The following RNF13 variants were observed in gnomAD, a reference collection of about 807,000 sequenced individuals.
The protein encoded by RNF13 is E3 ubiquitin-protein ligase RNF13.
A neutral mutation model predicts 37.7 loss-of-function variants in RNF13; 19 were observed. The observed-to-expected ratio is 0.50, with a 90% CI of 0.35 to 0.74. RNF13 has a LOEUF of 0.74. Among genes scored for constraint, RNF13 ranks in the 30% least tolerant of loss-of-function variants. RNF13 has a pLI of 0.01. For missense variants in RNF13, 375 were observed against 453.0 expected (o/e 0.83, Z 1.56); for synonymous variants, 144 against 157.8 (o/e 0.91, Z 0.65).
At position 149,961,409 on chromosome 3, in the gene RNF13, C is replaced by T; in HGVS notation, c.*305C>T. 1.9e-6 allele frequency: 1 copy of T among 515,066 alleles called. No homozygotes were observed. Among genetic ancestry groups the T allele is most frequent in the South Asian group, 1.6e-5 (1 of 62,358 alleles). The allele number at this position is 515,066 out of a possible 1,614,324, so 31.9% of individuals were successfully genotyped here. On this transcript the variant is annotated 3_prime_UTR_variant, in exon 10 of 10. Coordinates refer to ENST00000392894, the MANE Select transcript of RNF13 (RefSeq NM_183381.3). ...TAGCTTGCAATTAAGACCTAGATCA[C>T]AGTATTTAAGTGTTTTGCGTTTTAT...
At chr3:149,864,452 C>G (rs1724598663) in intron 3 of RNF13, among the ~76,000 whole-genome samples, 1 of 152,118 alleles carries the variant, frequency 6.6e-6, no homozygotes, top group Non-Finnish European at 1.5e-5. Flanking sequence ...ACAAATTACC[C>G]AGCCTCAGGT....
Position 149,845,816 on chromosome 3 carries a change from C to A in RNF13, c.-16-195C>A, listed in dbSNP as rs188520366. Reference sequence around the variant, plus strand: ...TCATCATGAGTTACATAGGTATTGACTAAACATGGGTGTTTACCTAAATGT... The same window carrying A: ...TCATCATGAGTTACATAGGTATTGAATAAACATGGGTGTTTACCTAAATGT... On this transcript the variant is annotated intron_variant, in intron 1 of 9. Transcript: ENST00000392894. The A allele has an allele frequency of 1.2e-3, 545 of 463,576 alleles. 3 individuals are homozygous for A. The highest frequency in any genetic ancestry group is 0.01 in the African/African-American group (521 of 51,046). The allele number at this position is 463,576 out of a possible 1,614,324, so 28.7% of individuals were successfully genotyped here.
At chr3:149,836,161 T>C (rs1721604497) in intron 1 of RNF13, among the ~76,000 whole-genome samples, 1 of 152,190 alleles carries the variant, frequency 6.6e-6, no homozygotes, top group African/African-American at 2.4e-5. Context: ...GCATTTCTTA[T>C]TTTGTTTGTT....
chr3:149,830,969 C>G (rs1720972329), intron 1 of RNF13, among the ~76,000 whole-genome samples: 1 of 152,228 alleles, frequency 6.6e-6, no homozygotes, highest in Non-Finnish European at 1.5e-5. Context: ...GTGCAAACCC[C>G]AAGCATTGAC....
At chr3:149,866,620 C>T (rs113101672) in intron 3 of RNF13, among the ~76,000 whole-genome samples, 3,016 of 152,290 alleles carry the variant, frequency 0.02, 50 homozygotes, top group Non-Finnish European at 0.025. Context: ...TCATTTTACC[C>T]AGCTCCTATT....
intron 8 of RNF13, among the ~76,000 whole-genome samples, chr3:149,936,699 A>G (rs969014829): frequency 2.0e-5 from 3 of 151,956 alleles, no homozygotes; most frequent in African/African-American, 7.3e-5. Flanking sequence ...ACACATCTTC[A>G]TCTCAGGTTG....
intron 1 of RNF13, among the ~76,000 whole-genome samples, chr3:149,813,653 A>T (rs970973452): frequency 2.0e-5 from 3 of 152,088 alleles, no homozygotes; most frequent in African/African-American, 7.2e-5. Flanking sequence ...TGCCTGGAAA[A>T]CATGTTTGGA....
At chr3:149,926,914 TTTGCCTTTCCACTTAA>T (rs1718710332) in intron 8 of RNF13, among the ~76,000 whole-genome samples, 1 of 152,216 alleles carries the variant, frequency 6.6e-6, no homozygotes, top group African/African-American at 2.4e-5. Flanking sequence ...TGTTTAACAC[TTTGCCTTTCCACTTAA>T]AGGTAAAAAT....
intron 1 of RNF13, among the ~76,000 whole-genome samples, chr3:149,825,179 A>G (rs1049034097): frequency 4.2e-5 from 6 of 141,606 alleles, no homozygotes; most frequent in African/African-American, 1.6e-4. Context: ...GGCTCCAGCA[A>G]CCCTTTTTTT....
intron 8 of RNF13, among the ~76,000 whole-genome samples, chr3:149,951,832 A>G (rs540227055): frequency 1.3e-5 from 2 of 152,356 alleles, no homozygotes; most frequent in South Asian, 4.1e-4. Context: ...GATAAGGAAT[A>G]TGAGACTTAG....
chr3:149,930,868 A>G (rs1035843206), intron 8 of RNF13, among the ~76,000 whole-genome samples: 5 of 152,080 alleles, frequency 3.3e-5, no homozygotes, highest in African/African-American at 1.2e-4. Flanking sequence ...GTATTCCTTT[A>G]TTATTGTTTT....
chr3:149,874,692 C>T (rs1436442795), intron 4 of RNF13, among the ~76,000 whole-genome samples: 1 of 152,098 alleles, frequency 6.6e-6, no homozygotes, highest in African/African-American at 2.4e-5. Context: ...TCTGACTTGG[C>T]TTATAAAGAC....
intron 1 of RNF13, among the ~76,000 whole-genome samples, chr3:149,839,961 G>A (rs1722004260): frequency 6.6e-6 from 1 of 151,896 alleles, no homozygotes; most frequent in African/African-American, 2.4e-5. Context: ...GTTGAATTTT[G>A]TAGAAATTGG....
At chr3:149,835,249 A>G (rs1039588117) in intron 1 of RNF13, among the ~76,000 whole-genome samples, 4 of 152,236 alleles carry the variant, frequency 2.6e-5, no homozygotes, top group African/African-American at 4.8e-5. Context: ...ATACTTTTCA[A>G]TCATATATTT....
chr3:149,875,986 T>C (rs945338392), intron 4 of RNF13, among the ~76,000 whole-genome samples: 7 of 60,266 alleles, frequency 1.2e-4, no homozygotes, highest in Non-Finnish European at 2.4e-4. Flanking sequence ...AAAAAAAATC[T>C]GTAAAAATAC....
intron 4 of RNF13, among the ~76,000 whole-genome samples, chr3:149,878,587 A>G (rs1033306409): frequency 4.6e-5 from 7 of 152,228 alleles, no homozygotes; most frequent in Non-Finnish European, 8.8e-5. Flanking sequence ...GATAAAATTA[A>G]TGATTTACAT....
intron 4 of RNF13, among the ~76,000 whole-genome samples, chr3:149,881,564 C>G (rs546728786): frequency 6.6e-6 from 1 of 152,290 alleles, no homozygotes; most frequent in South Asian, 2.1e-4. Context: ...CCCCTGACCT[C>G]AAGTGATCCA....
chr3:149,933,697 C>T (rs1483076972), intron 8 of RNF13, among the ~76,000 whole-genome samples: 4 of 151,508 alleles, frequency 2.6e-5, no homozygotes, highest in African/African-American at 2.4e-5. Flanking sequence ...AATTCTCCTG[C>T]CTCAGCCTCC....
At chr3:149,932,825 C>T (rs937017962) in intron 8 of RNF13, among the ~76,000 whole-genome samples, 5 of 152,186 alleles carry the variant, frequency 3.3e-5, no homozygotes, top group Non-Finnish European at 7.3e-5. Flanking sequence ...GGATAGCAGT[C>T]CTGTTCCCAT....
Sources: gnomAD v4.1 joint callset for allele counts (sites outside exome capture counted in the v4.1 genomes callset) on GRCh38, gnomAD v4.1.1 for gene constraint, MANE v1.5 for transcripts, NCBI Gene and HGNC (gene_info 2026-07-23, HGNC 2026-07-21) for gene names.